LGSN: variants seen among roughly 807,000 people sequenced by gnomAD.
LGSN encodes the protein lengsin.
A neutral mutation model predicts 19.5 loss-of-function variants in LGSN; 21 were observed. The ratio of observed to expected loss-of-function variants is 1.07; its 90% confidence interval spans 0.76 to 1.55. The LOEUF (loss-of-function observed/expected upper bound fraction) is 1.55, where lower values mean the gene tolerates loss of function less well. Among genes scored for constraint, LGSN ranks in the 40% most tolerant of loss-of-function variants. The pLI is 0.00. For missense variants in LGSN, 673 were observed against 608.5 expected, an observed-to-expected ratio of 1.11 and a Z score of -1.12; for synonymous variants, 257 against 215.6, an observed-to-expected ratio of 1.19 and a Z score of -1.68.
chr6:63,363,604 T>C, the LGSN span, among the ~76,000 whole-genome samples: 6 of 152,076 alleles, frequency 3.9e-5, no homozygotes, highest in Admixed American at 1.3e-4. Flanking sequence ...GTATCAGTGA[T>C]TGAAGATCAA....
chr6:63,406,323 C>A, the LGSN span, among the ~76,000 whole-genome samples: 1 of 152,130 alleles, frequency 6.6e-6, no homozygotes, highest in East Asian at 1.9e-4. Context: ...TTATAACAAA[C>A]TGTCTCTCAG....
chr6:63,422,057 A>C, the LGSN span, among the ~76,000 whole-genome samples: 1 of 152,114 alleles, frequency 6.6e-6, no homozygotes, highest in African/African-American at 2.4e-5. Flanking sequence ...AAAGACCAAA[A>C]AAATTTTTTG....
chr6:63,358,666 T>A, the LGSN span, among the ~76,000 whole-genome samples: 5 of 152,302 alleles, frequency 3.3e-5, no homozygotes, highest in Middle Eastern at 0.01. Context: ...TGCTTGTGAT[T>A]TTTGTACATT....
the LGSN span, among the ~76,000 whole-genome samples, chr6:63,362,401 G>A: frequency 8.5e-5 from 13 of 152,178 alleles, no homozygotes; most frequent in Admixed American, 2.0e-4. Context: ...GCGGGGCATC[G>A]CCTCACTCCA....
chr6:63,404,888 C>A, the LGSN span, among the ~76,000 whole-genome samples: 4 of 151,962 alleles, frequency 2.6e-5, no homozygotes, highest in Non-Finnish European at 5.9e-5. Context: ...ATGTGCCATG[C>A]TGGTGCACTG....
At chr6:63,468,195 A>G in the LGSN span, among the ~76,000 whole-genome samples, 27 of 151,768 alleles carry the variant, frequency 1.8e-4, no homozygotes, top group African/African-American at 5.6e-4. Context: ...GAATGGTGCA[A>G]TCTTGGCTTA....
At chr6:63,539,464 A>G in the LGSN span, among the ~76,000 whole-genome samples, 1 of 152,134 alleles carries the variant, frequency 6.6e-6, no homozygotes, top group Non-Finnish European at 1.5e-5. Context: ...TCAACAAGGA[A>G]CAGGAAATCT....
At chr6:63,348,800 G>A in the LGSN span, among the ~76,000 whole-genome samples, 1,340 of 145,400 alleles carry the variant, frequency 9.2e-3, 16 homozygotes, top group Non-Finnish European at 0.013. Context: ...TGTGTTGCCC[G>A]GGCTGGTCTC....
At chr6:63,370,990 C>T in the LGSN span, among the ~76,000 whole-genome samples, 3 of 152,170 alleles carry the variant, frequency 2.0e-5, no homozygotes, top group South Asian at 2.1e-4. Context: ...GCAATTTTTG[C>T]GTATACATCA....
chr6:63,280,434 T>C lies in LGSN; in HGVS notation c.1117A>G (p.Arg373Gly), dbSNP rs1420320865. ...VSCRKRYSKD[R>G]KDLKKSVPTT... ...GGCACACTCTTCTTCAGGTCTTTCC[T>C]GTCCTTGGAATAACGCTTTCGGCAG... Residue 373 changes from arginine to glycine, a missense_variant, in exon 4 of 4, where the codon AGG becomes GGG. Physicochemically the swap from Arg to Gly is moderately radical, Grantham distance 125. Transcript: ENST00000370657. The C allele has an allele frequency of 6.2e-7, 1 of 1,614,232 alleles. No homozygotes were observed. Among genetic ancestry groups the C allele is most frequent in the African/African-American group, 1.3e-5 (1 of 75,074 alleles).
intron 1 of LGSN, among the ~76,000 whole-genome samples, chr6:63,314,833 C>G (rs961297507): frequency 6.6e-6 from 1 of 151,986 alleles, no homozygotes; most frequent in Non-Finnish European, 1.5e-5. Flanking sequence ...ATCAAGGGCC[C>G]AGAAAGAATT....
At chr6:63,449,517 C>A in the LGSN span, among the ~76,000 whole-genome samples, 1 of 151,038 alleles carries the variant, frequency 6.6e-6, no homozygotes, top group African/African-American at 2.4e-5. Flanking sequence ...TGCCCTCCAG[C>A]CTGGCAACAG....
the LGSN span, among the ~76,000 whole-genome samples, chr6:63,335,963 T>C: frequency 5.9e-5 from 9 of 152,306 alleles, no homozygotes; most frequent in African/African-American, 1.2e-4. Flanking sequence ...GTGCTATACA[T>C]ACACAATGGA....
upstream of LGSN, among the ~76,000 whole-genome samples, chr6:63,322,882 T>G (rs1218727285): frequency 6.6e-6 from 1 of 152,202 alleles, no homozygotes; most frequent in Non-Finnish European, 1.5e-5. Context: ...AATATTTTTG[T>G]GTGTCCTTTT....
the LGSN span, among the ~76,000 whole-genome samples, chr6:63,561,154 C>T: frequency 1.3e-5 from 2 of 152,172 alleles, no homozygotes; most frequent in Non-Finnish European, 1.5e-5. Context: ...TGAGTACAGC[C>T]TAACAGAGTG....
the LGSN span, among the ~76,000 whole-genome samples, chr6:63,456,341 G>A: frequency 9.9e-6 from 1 of 100,886 alleles, no homozygotes; most frequent in Non-Finnish European, 1.9e-5. Context: ...CTCAAACTTG[G>A]CAGAAATATA....
chr6:63,412,415 G>GAAGA, the LGSN span, among the ~76,000 whole-genome samples: 6,488 of 107,772 alleles, frequency 0.06, 318 homozygotes, highest in Admixed American at 0.14. Context: ...AAGAAAGAAA[G>GAAGA]AAGAAAGAAA....
At chr6:63,504,568 G>A in the LGSN span, among the ~76,000 whole-genome samples, 1 of 152,038 alleles carries the variant, frequency 6.6e-6, no homozygotes, top group Non-Finnish European at 1.5e-5. Flanking sequence ...TCAGCCTCCC[G>A]AGTAGCTGGG....
At chr6:63,519,590 C>T in the LGSN span, among the ~76,000 whole-genome samples, 2 of 152,110 alleles carry the variant, frequency 1.3e-5, no homozygotes, top group African/African-American at 4.8e-5. Flanking sequence ...ATATACTTGG[C>T]ACAAGCTTAT....
Sources: allele counts gnomAD v4.1 joint callset (sites outside exome capture counted in the v4.1 genomes callset), GRCh38; gene constraint gnomAD v4.1.1; transcripts MANE v1.5; gene names NCBI Gene and HGNC (gene_info 2026-07-23, HGNC 2026-07-21).